The following MYPN variants were observed in gnomAD, a reference collection of about 807,000 sequenced individuals.
MYPN encodes the protein sarcomeric protein myopalladin, 145 kDa (MYOP).
Under a neutral mutation model 129.4 loss-of-function variants are expected in MYPN, and 63 were observed. The ratio of observed to expected loss-of-function variants is 0.49; its 90% CI spans 0.40 to 0.60. The LOEUF (loss-of-function observed/expected upper bound fraction) is 0.60. Ranked by LOEUF, MYPN falls within the 20% of genes least tolerant of loss-of-function variation. The pLI is 0.00. For missense variants in MYPN, 1,596 were observed against 1,635.4 expected, an observed-to-expected ratio of 0.98 and a Z score of 0.42; for synonymous variants, 629 against 600.9, an observed-to-expected ratio of 1.05 and a Z score of -0.68.
intron 1 of MYPN, among the ~76,000 whole-genome samples, chr10:68,115,482 T>A (rs2042144379): frequency 6.6e-6 from 1 of 152,148 alleles, no homozygotes; most frequent in South Asian, 2.1e-4. Context: ...TTGGCTCTAC[T>A]TTTAAAGACA....
upstream of MYPN, among the ~76,000 whole-genome samples, chr10:68,102,263 T>C (rs758195301): frequency 2.8e-4 from 42 of 151,710 alleles, no homozygotes; most frequent in Middle Eastern, 3.4e-3. Context: ...TAGCTGGTAC[T>C]ACAGGCACAC....
At chr10:68,149,351 A>C (rs2042726222) in intron 5 of MYPN, among the ~76,000 whole-genome samples, 1 of 152,254 alleles carries the variant, frequency 6.6e-6, no homozygotes, top group African/African-American at 2.4e-5. Flanking sequence ...CTATGCATAT[A>C]GAAGAATACA....
At chr10:68,122,746 A>G (rs1369730994) in intron 2 of MYPN, among the ~76,000 whole-genome samples, 2 of 151,906 alleles carry the variant, frequency 1.3e-5, no homozygotes, top group African/African-American at 4.8e-5. Context: ...TACTAAAAAC[A>G]CAAAAATTAG....
At chr10:68,174,828 A>G (rs934150193) in intron 11 of MYPN, among the ~76,000 whole-genome samples, 172 bp downstream of exon 11, 3 of 152,232 alleles carry the variant, frequency 2.0e-5, no homozygotes, top group African/African-American at 7.2e-5. Flanking sequence ...ATTACTTTGA[A>G]TGATTATTAA....
chr10:68,136,569 T>G (rs2042490231), intron 2 of MYPN: 2 of 1,471,562 alleles, frequency 1.4e-6, no homozygotes, highest in Non-Finnish European at 1.8e-6. Context: ...GCTGTTAAAG[T>G]CAGAGTGACG....
At chr10:68,180,352 A>AT (rs1160608754) in intron 12 of MYPN, among the ~76,000 whole-genome samples, 1 of 152,024 alleles carries the variant, frequency 6.6e-6, no homozygotes, top group Non-Finnish European at 1.5e-5. Context: ...CTCGTGGCTA[A>AT]TTTTTGTGTT....
At chr10:68,147,700 C>T (rs1002711131) in intron 4 of MYPN, among the ~76,000 whole-genome samples, 5 of 152,082 alleles carry the variant, frequency 3.3e-5, no homozygotes, top group African/African-American at 1.2e-4. Context: ...CCCCTCTGGA[C>T]GTAGGTTCTC....
intron 1 of MYPN, among the ~76,000 whole-genome samples, chr10:68,116,877 T>C (rs929154930): frequency 6.6e-6 from 1 of 152,232 alleles, no homozygotes; most frequent in African/African-American, 2.4e-5. Context: ...TTTGTGTCTA[T>C]AAGTTTTCTT....
chr10:68,152,709 C>A (rs988828875), intron 6 of MYPN, among the ~76,000 whole-genome samples: 10 of 152,114 alleles, frequency 6.6e-5, no homozygotes, highest in African/African-American at 1.9e-4. Flanking sequence ...GATCTCAGCT[C>A]ACTGCAACCT....
At chr10:68,112,860 A>G (rs1180640009) in intron 1 of MYPN, among the ~76,000 whole-genome samples, 1 of 152,212 alleles carries the variant, frequency 6.6e-6, no homozygotes, top group Non-Finnish European at 1.5e-5. Context: ...ATATTGTAAT[A>G]GTGTACCAAG....
At chr10:68,165,672 C>T in intron 8 of MYPN, 30 bp from the exon 9 acceptor site, 1 of 1,485,510 alleles carries the variant, frequency 6.7e-7, no homozygotes, top group Non-Finnish European at 9.4e-7. Flanking sequence ...ATAATGAAGT[C>T]AGTAACCATT....
rs1423332271 is a variant in MYPN at position 68,174,220 on chromosome 10, G to A, written c.2128G>A (p.Val710Met). ...PPAVTTSSKQ[V>M]KAPSSQTFSL... ...AGCGGTGACAACATCCAGTAAGCAG[G>A]TGAAGGCTCCTTCATCACAGACGTT... Residue 710 changes from valine (V) to methionine (M), a missense_variant, in exon 11 of 20, where the codon GTG (valine) becomes ATG (methionine). Val to Met is a conservative substitution (Grantham distance 21). Transcript: ENST00000358913. 2 of 1,613,922 alleles carry A rather than the reference G, an allele frequency of 1.2e-6. No individual in the cohort carries two copies. Among genetic ancestry groups the A allele is most frequent in the East Asian group, 4.5e-5 (2 of 44,892 alleles).
chr10:68,173,578 A>T (rs377631017), intron 10 of MYPN, among the ~76,000 whole-genome samples: 2,447 of 35,470 alleles, frequency 0.069, 41 homozygotes, highest in Non-Finnish European at 0.09. Flanking sequence ...AAGTTATTTT[A>T]TTTATTTATT....
chr10:68,103,581 G>T (rs1033509479), upstream of MYPN, among the ~76,000 whole-genome samples: 2 of 152,116 alleles, frequency 1.3e-5, no homozygotes, highest in African/African-American at 4.8e-5. Context: ...TCTGATTTTT[G>T]AACTAATCTT....
rs1488189428 is a variant in MYPN at position 68,165,787 on chromosome 10, A to G, written c.1569A>G (p.Thr523=). 1 of 1,614,192 alleles carries G rather than the reference A, an allele frequency of 6.2e-7. No homozygotes were observed. Among genetic ancestry groups the G allele is most frequent in the Admixed American group, 1.7e-5 (1 of 60,034 alleles). The change falls in exon 9 of 20, where the codon ACA becomes ACG. Residue 523 remains threonine, a synonymous_variant. Coordinates refer to ENST00000358913, the MANE Select transcript of MYPN (RefSeq NM_032578.4). Reference sequence around the variant, plus strand: ...GTACTGCAAGCAACAAATACGGCACAGTGTCAAGCATTGCACAGCTGCACG... The same window carrying G: ...GTACTGCAAGCAACAAATACGGCACGGTGTCAAGCATTGCACAGCTGCACG... ...FTCTASNKYG[T]VSSIAQLHVR...
intron 18 of MYPN, 88 bp downstream of exon 18, chr10:68,202,082 G>A (rs1429440356): frequency 2.7e-6 from 4 of 1,465,214 alleles, no homozygotes; most frequent in Non-Finnish European, 3.8e-6. Flanking sequence ...TTTGAGTCTG[G>A]CTTACTTCAT....
At chr10:68,192,009 A>AT (rs1353635395) in intron 13 of MYPN, among the ~76,000 whole-genome samples, 2 of 152,088 alleles carry the variant, frequency 1.3e-5, no homozygotes, top group Non-Finnish European at 2.9e-5. Context: ...TTCTTGCTTA[A>AT]TTACTCTGGC....
intron 12 of MYPN, among the ~76,000 whole-genome samples, chr10:68,184,441 T>C (rs965789377): frequency 6.6e-6 from 1 of 151,804 alleles, no homozygotes; most frequent in African/African-American, 2.4e-5. Context: ...GGAGGCATTT[T>C]TTTTTAGACG....
intron 3 of MYPN, 30 bp from the exon 4 acceptor site, chr10:68,145,442 TAAC>T (rs1564660622): frequency 6.3e-7 from 1 of 1,584,060 alleles, no homozygotes; most frequent in East Asian, 2.2e-5. Context: ...ATTGTCATCT[TAAC>T]AATCTTATGT....
Sources: gnomAD v4.1 joint callset for allele counts (sites outside exome capture counted in the v4.1 genomes callset) on GRCh38, gnomAD v4.1.1 for gene constraint, MANE v1.5 for transcripts, NCBI Gene and HGNC (gene_info 2026-07-23, HGNC 2026-07-21) for gene names.